SLC2A14: variants seen among roughly 807,000 people sequenced by gnomAD.
The protein encoded by SLC2A14 is solute carrier family 2 member 14, also known as solute carrier family 2, facilitated glucose transporter member 14.
In SLC2A14, 13 loss-of-function variants were observed where a neutral mutation model predicts 43.0. That is an observed-to-expected ratio of 0.30 (90% CI 0.20 to 0.48). SLC2A14 has a LOEUF of 0.48. SLC2A14 is among the 20% of genes least tolerant of loss of function. The pLI is 0.99. For missense variants in SLC2A14, 428 were observed against 620.4 expected (o/e 0.69, Z 3.29); for synonymous variants, 190 against 233.8 (o/e 0.81, Z 1.71).
At chr12:7,863,354 G>T (rs1403421752) in intron 2 of SLC2A14, 2 of 452,858 alleles carry the variant, frequency 4.4e-6, no homozygotes, top group East Asian at 7.0e-5. Flanking sequence ...CCACTTTAAG[G>T]GCTGTAACAC....
intron 2 of SLC2A14, among the ~76,000 whole-genome samples, chr12:7,855,207 T>G (rs1269249830): frequency 6.6e-6 from 1 of 152,172 alleles, no homozygotes; most frequent in Non-Finnish European, 1.5e-5. Flanking sequence ...CTCTGGACAT[T>G]AGGCATTCCA....
intron 1 of SLC2A14, among the ~76,000 whole-genome samples, chr12:7,886,150 G>GTTTTTTTTTT: frequency 7.0e-5 from 5 of 71,042 alleles, no homozygotes; most frequent in Admixed American, 2.6e-4. Context: ...CGCCCGGACA[G>GTTTTTTTTTT]CTTTTTTTTT....
chr12:7,868,233 C>T (rs1422361928), intron 2 of SLC2A14, among the ~76,000 whole-genome samples: 7 of 152,160 alleles, frequency 4.6e-5, no homozygotes, highest in Non-Finnish European at 8.8e-5. Flanking sequence ...GCTGAAGGCT[C>T]AGATGATTGT....
chr12:7,888,530 T>C (rs756350435), intron 1 of SLC2A14, among the ~76,000 whole-genome samples: 19 of 152,104 alleles, frequency 1.2e-4, no homozygotes, highest in African/African-American at 1.9e-4. Flanking sequence ...CCGGGTGCAG[T>C]GGCTCACACC....
At chr12:7,821,953 T>G (rs1041221295) in intron 7 of SLC2A14, among the ~76,000 whole-genome samples, 1 of 150,726 alleles carries the variant, frequency 6.6e-6, no homozygotes, top group Non-Finnish European at 1.5e-5. Flanking sequence ...GCCTCCCAAG[T>G]AGCTGGGATT....
At chr12:7,855,732 G>A (rs1054919518) in intron 2 of SLC2A14, among the ~76,000 whole-genome samples, 1 of 102,406 alleles carries the variant, frequency 9.8e-6, no homozygotes, top group African/African-American at 3.1e-5. Context: ...CCGCCTCCCA[G>A]GTTGAAATGA....
At chr12:7,873,040 G>C (rs771045231), upstream of SLC2A14, 58 of 985,590 alleles carry the variant, frequency 5.9e-5, 1 homozygote, top group African/African-American at 9.6e-4. Context: ...GCAGGGGTCC[G>C]GCTCGCGGTC....
At chr12:7,815,473 G>A (rs1321299986) in intron 10 of SLC2A14, among the ~76,000 whole-genome samples, 4 of 152,086 alleles carry the variant, frequency 2.6e-5, no homozygotes, top group Admixed American at 2.0e-4. Flanking sequence ...CTTTTCTGCC[G>A]TCATTTTTTT....
intron 9 of SLC2A14, among the ~76,000 whole-genome samples, chr12:7,818,799 G>A (rs1214097502): frequency 6.6e-6 from 1 of 151,906 alleles, no homozygotes; most frequent in Non-Finnish European, 1.5e-5. Context: ...TAAGATGACA[G>A]GAATGAAGCA....
chr12:7,888,213 C>T (rs958225456), intron 1 of SLC2A14, among the ~76,000 whole-genome samples: 2 of 152,034 alleles, frequency 1.3e-5, no homozygotes, highest in Non-Finnish European at 2.9e-5. Context: ...ACTGCAGCTT[C>T]GGTTGGCACA....
chr12:7,847,869 A>C (rs2120908053), intron 2 of SLC2A14, among the ~76,000 whole-genome samples: 1 of 152,262 alleles, frequency 6.6e-6, no homozygotes, highest in African/African-American at 2.4e-5. Flanking sequence ...TGAGAGAGTC[A>C]AAAGAGGAAC....
At chr12:7,839,847 G>A in intron 2 of SLC2A14, 1 of 451,140 alleles carries the variant, frequency 2.2e-6, no homozygotes, top group South Asian at 1.6e-5. Context: ...GTCAAGGCGG[G>A]AGGATCGCTT....
At chr12:7,863,823 CT>C (rs60156532) in intron 2 of SLC2A14, among the ~76,000 whole-genome samples, 38 of 131,598 alleles carry the variant, frequency 2.9e-4, no homozygotes, top group East Asian at 4.2e-4. Context: ...TTCTTTTTTT[CT>C]TTTTTTTTTT....
chr12:7,873,121 C>A, upstream of SLC2A14: 1 of 985,572 alleles, frequency 1.0e-6, no homozygotes. Flanking sequence ...TGCTGGGGAT[C>A]CCTCCGAGCG....
At chr12:7,861,112 A>G (rs1032164654) in intron 2 of SLC2A14, among the ~76,000 whole-genome samples, 2 of 152,042 alleles carry the variant, frequency 1.3e-5, no homozygotes, top group Non-Finnish European at 2.9e-5. Context: ...TCATAAATTA[A>G]TTATCAGTTG....
At position 7,820,453 on chromosome 12, in the gene SLC2A14, C is replaced by T. The variant is rs774557905; in HGVS notation, c.969+768G>A. On this transcript the variant is annotated intron_variant, in intron 8 of 10. Coordinates refer to ENST00000431042, the MANE Select transcript of SLC2A14 (RefSeq NM_001286234.2). ...GGAGTTGGGGGCAGTCTTGGGAAAT[C>T]GGCCACCAACCTGTGAGCTCTGATG... 1.6e-3 allele frequency among the ~76,000 whole-genome samples: 247 copies of T among 152,196 alleles called. 1 individual carries two copies. Among genetic ancestry groups the T allele is most frequent in the African/African-American group, 5.8e-3 (242 of 41,536 alleles).
rs1365175593 is a variant in SLC2A14, at chr12:7,813,547, G to C, written c.*769C>G. The stretch of plus-strand genomic sequence containing the variant: ...GATAAAGTTCCAAAGGAAATGAGTA[G>C]CTTTATTAAATAGGCATACAACTTT... On this transcript the variant is annotated 3_prime_UTR_variant, in exon 11 of 11. Transcript: ENST00000431042. 1 of 152,180 alleles carries C rather than the reference G, an allele frequency of 6.6e-6. No homozygotes were observed. Among genetic ancestry groups the C allele is most frequent in the Non-Finnish European group, 1.5e-5 (1 of 68,050 alleles). The allele number at this position is 152,180 out of a possible 1,614,324, so 9.4% of individuals were successfully genotyped here.
At chr12:7,819,625 A>G in intron 8 of SLC2A14, 42 bp from the exon 9 acceptor site, 2 of 1,560,344 alleles carry the variant, frequency 1.3e-6, no homozygotes, top group Non-Finnish European at 1.7e-6. Context: ...TTTCCTTTCC[A>G]TGAAAACAGC....
intron 2 of SLC2A14, chr12:7,860,467 T>G (rs1254103705): frequency 2.6e-5 from 4 of 152,124 alleles, no homozygotes; most frequent in Admixed American, 2.6e-4. Flanking sequence ...AAATACACTC[T>G]TGGAACCAGA....
Sources: allele counts gnomAD v4.1 joint callset (sites outside exome capture counted in the v4.1 genomes callset), GRCh38; gene constraint gnomAD v4.1.1; transcripts MANE v1.5; gene names NCBI Gene and HGNC (gene_info 2026-07-23, HGNC 2026-07-21).